Variants in NCAM2 observed in about 807,000 individuals in gnomAD.
NCAM2 encodes N-CAM-2.
A neutral mutation model predicts 98.1 loss-of-function variants in NCAM2; 30 were observed. The observed-to-expected ratio is 0.31, with a 90% CI of 0.23 to 0.41. The LOEUF (loss-of-function observed/expected upper bound fraction) is 0.41. NCAM2 is among the 10% of genes least tolerant of loss of function. NCAM2 has a pLI of 1.00. For missense variants in NCAM2, 867 were observed against 1,005.8 expected (o/e 0.86, Z 1.87); for synonymous variants, 368 against 342.4 (o/e 1.07, Z -0.83).
chr21:21,542,488 A>G lies in NCAM2; in HGVS notation c.*4531A>G, dbSNP rs1167043299. On this transcript the variant is annotated 3_prime_UTR_variant, in exon 18 of 18. Transcript: ENST00000400546. Reference sequence around the variant, plus strand: ...AGATTCTGGCCACACAACATTCAGAATTATTGCTCATGTAAATTTAAATAT... The same window carrying G: ...AGATTCTGGCCACACAACATTCAGAGTTATTGCTCATGTAAATTTAAATAT... 6.6e-6 allele frequency: 1 copy of G among 151,854 alleles called. No homozygotes were observed. Among genetic ancestry groups the G allele is most frequent in the African/African-American group, 2.4e-5 (1 of 41,412 alleles). The allele number at this position is 151,854 out of a possible 1,614,324, so 9.4% of individuals were successfully genotyped here. A position where few individuals can be genotyped will look rare whatever the true frequency, so the allele number is the denominator to read the frequency against.
chr21:21,401,525 T>G (rs2076630045), intron 9 of NCAM2, among the ~76,000 whole-genome samples: 2 of 152,172 alleles, frequency 1.3e-5, no homozygotes, highest in Admixed American at 6.6e-5. Context: ...AATTTGACTG[T>G]TTTTTATTCC....
chr21:21,176,399 G>A (rs937857254), intron 1 of NCAM2, among the ~76,000 whole-genome samples: 1 of 152,104 alleles, frequency 6.6e-6, no homozygotes, highest in Non-Finnish European at 1.5e-5. Context: ...CCTCCTAATG[G>A]TGATGGATAA....
At chr21:21,287,811 A>G (rs548982745) in intron 4 of NCAM2, among the ~76,000 whole-genome samples, 1 of 151,860 alleles carries the variant, frequency 6.6e-6, no homozygotes, top group Non-Finnish European at 1.5e-5. Flanking sequence ...CCAGATTTCC[A>G]TTTTGGCTTT....
At chr21:21,299,300 CT>C (rs200868473) in intron 5 of NCAM2, among the ~76,000 whole-genome samples, 270 of 138,330 alleles carry the variant, frequency 2.0e-3, no homozygotes, top group East Asian at 2.6e-3. Context: ...TATCTCTTGC[CT>C]TTTTTTTTTT....
At chr21:21,063,408 A>G (rs1240313953) in intron 1 of NCAM2, among the ~76,000 whole-genome samples, 3 of 151,436 alleles carry the variant, frequency 2.0e-5, no homozygotes, top group Admixed American at 6.6e-5. Context: ...TTTAGTAGAG[A>G]TGGAGTTTCA....
At chr21:21,229,054 C>A (rs779014355) in intron 1 of NCAM2, among the ~76,000 whole-genome samples, 2 of 151,298 alleles carry the variant, frequency 1.3e-5, no homozygotes, top group Non-Finnish European at 3.0e-5. Flanking sequence ...TGTGAAATGG[C>A]TTTAGATTAA....
chr21:21,301,575 C>T (rs999398436), intron 5 of NCAM2, among the ~76,000 whole-genome samples: 4 of 118,318 alleles, frequency 3.4e-5, no homozygotes, highest in African/African-American at 1.3e-4. Flanking sequence ...GTGATATTCC[C>T]CTTCCTGTGT....
intron 5 of NCAM2, among the ~76,000 whole-genome samples, chr21:21,311,333 G>A (rs569924105): frequency 1.5e-5 from 2 of 129,156 alleles, no homozygotes; most frequent in South Asian, 2.7e-4. Context: ...CAAATATGGG[G>A]CATTTTTTTT....
chr21:21,479,040 C>T (rs894906323), intron 15 of NCAM2, among the ~76,000 whole-genome samples: 1 of 152,006 alleles, frequency 6.6e-6, no homozygotes, highest in African/African-American at 2.4e-5. Flanking sequence ...TACGTATTCC[C>T]ATACTGAGCC....
At chr21:21,421,532 C>T (rs979435344) in intron 11 of NCAM2, among the ~76,000 whole-genome samples, 3 of 152,052 alleles carry the variant, frequency 2.0e-5, no homozygotes, top group African/African-American at 7.2e-5. Flanking sequence ...AGATGGGAAA[C>T]ATGCATTTAA....
intron 16 of NCAM2, among the ~76,000 whole-genome samples, chr21:21,532,469 CTT>C (rs1989760574): frequency 6.6e-6 from 1 of 151,938 alleles, no homozygotes; most frequent in Non-Finnish European, 1.5e-5. Flanking sequence ...ACCATTTTCT[CTT>C]GTTAATCTTG....
At chr21:21,335,278 C>A (rs2074829491) in intron 6 of NCAM2, among the ~76,000 whole-genome samples, 1 of 151,884 alleles carries the variant, frequency 6.6e-6, no homozygotes, top group African/African-American at 2.4e-5. Flanking sequence ...TGACATAGTT[C>A]AAATGTTATT....
intron 1 of NCAM2, among the ~76,000 whole-genome samples, chr21:21,132,428 G>C (rs888755414): frequency 1.3e-5 from 2 of 150,568 alleles, no homozygotes; most frequent in Non-Finnish European, 2.9e-5. Flanking sequence ...ATATTCACAG[G>C]TTCCAGGGAT....
chr21:21,522,261 ATT>A (rs1989063882), intron 16 of NCAM2, among the ~76,000 whole-genome samples: 1 of 68,848 alleles, frequency 1.5e-5, no homozygotes, highest in African/African-American at 3.4e-5. Flanking sequence ...TGAATACTAT[ATT>A]TATATATAAA....
chr21:21,474,557 TTTCACCCACATC>T (rs1984902000), intron 14 of NCAM2, among the ~76,000 whole-genome samples: 1 of 152,046 alleles, frequency 6.6e-6, no homozygotes, highest in African/African-American at 2.4e-5. Context: ...TTTCTGGCTC[TTTCACCCACATC>T]TTCACTCAGA....
intron 9 of NCAM2, among the ~76,000 whole-genome samples, chr21:21,376,857 G>C (rs1018930282): frequency 6.6e-6 from 1 of 151,756 alleles, no homozygotes; most frequent in Non-Finnish European, 1.5e-5. Context: ...AAACAGGGAT[G>C]AAAGGTCTTG....
chr21:21,067,021 T>A (rs2065455561), intron 1 of NCAM2, among the ~76,000 whole-genome samples: 1 of 152,108 alleles, frequency 6.6e-6, no homozygotes, highest in East Asian at 1.9e-4. Flanking sequence ...TATGCGTCTG[T>A]TTAAGTAGGT....
intron 5 of NCAM2, among the ~76,000 whole-genome samples, chr21:21,296,190 A>G (rs528651567): frequency 4.0e-4 from 61 of 151,938 alleles, no homozygotes; most frequent in African/African-American, 1.4e-3. Context: ...CAACTTTACT[A>G]AAGTCCTTTA....
chr21:21,115,035 G>A (rs761911576), intron 1 of NCAM2, among the ~76,000 whole-genome samples: 2 of 151,940 alleles, frequency 1.3e-5, no homozygotes, highest in Non-Finnish European at 2.9e-5. Flanking sequence ...TGGCCAGGCT[G>A]GTCTCGAACT....
Sources: allele counts gnomAD v4.1 joint callset (sites outside exome capture counted in the v4.1 genomes callset), GRCh38; gene constraint gnomAD v4.1.1; transcripts MANE v1.5; gene names NCBI Gene and HGNC (gene_info 2026-07-23, HGNC 2026-07-21).